The following NEK1 variants were observed in gnomAD, a reference collection of about 807,000 sequenced individuals.
NEK1 encodes the protein NIMA related kinase 1, also known as serine/threonine-protein kinase Nek1.
NEK1 carries 137 observed loss-of-function variants against 182.1 expected under a neutral mutation model. The ratio of observed to expected loss-of-function variants is 0.75; its 90% CI spans 0.65 to 0.87. The LOEUF (loss-of-function observed/expected upper bound fraction) is 0.87, where lower values mean the gene tolerates loss of function less well. Ranked by LOEUF, NEK1 falls within the 40% of genes least tolerant of loss-of-function variation. The pLI, the probability that NEK1 is intolerant of heterozygous loss-of-function variation, is 0.00. For missense variants in NEK1, 1,391 were observed against 1,494.4 expected, an observed-to-expected ratio of 0.93 and a Z score of 1.14; for synonymous variants, 513 against 492.2, an observed-to-expected ratio of 1.04 and a Z score of -0.56.
At chr4:169,528,746 C>A (rs1757257326) in intron 19 of NEK1, among the ~76,000 whole-genome samples, 1 of 152,146 alleles carries the variant, frequency 6.6e-6, no homozygotes, top group East Asian at 1.9e-4. Context: ...CAGTATGGAT[C>A]AAGAAGAATA....
chr4:169,514,142 C>T (rs780639274), intron 19 of NEK1, among the ~76,000 whole-genome samples: 6 of 152,110 alleles, frequency 3.9e-5, no homozygotes, highest in East Asian at 1.9e-4. Context: ...CCTGCCACCA[C>T]GCCTGGCTAA....
chr4:169,397,487 A>ATT (rs33929867), intron 35 of NEK1, among the ~76,000 whole-genome samples: 4 of 151,504 alleles, frequency 2.6e-5, no homozygotes, highest in African/African-American at 7.3e-5. Context: ...GCTGTACTCA[A>ATT]TTTTTTTTTA....
At chr4:169,457,582 T>C (rs757915532) in intron 27 of NEK1, among the ~76,000 whole-genome samples, 116 of 149,220 alleles carry the variant, frequency 7.8e-4, no homozygotes, top group Non-Finnish European at 1.4e-3. Flanking sequence ...CAAGACTCCA[T>C]TGCTGTTAGA....
chr4:169,524,635 T>C (rs1241676569), intron 19 of NEK1, among the ~76,000 whole-genome samples: 1 of 152,106 alleles, frequency 6.6e-6, no homozygotes, highest in African/African-American at 2.4e-5. Context: ...AAATTCAGGA[T>C]AATGGCTACC....
At chr4:169,448,801 T>C (rs1043954660) in intron 27 of NEK1, among the ~76,000 whole-genome samples, 1 of 152,192 alleles carries the variant, frequency 6.6e-6, no homozygotes, top group Non-Finnish European at 1.5e-5. Context: ...TCAATGGGAC[T>C]GGTTGGACAG....
At chr4:169,429,363 A>G (rs902512734) in intron 29 of NEK1, among the ~76,000 whole-genome samples, 16 of 152,310 alleles carry the variant, frequency 1.1e-4, no homozygotes, top group African/African-American at 3.8e-4. Flanking sequence ...AAGAGTAGAT[A>G]CCAAAAGTAA....
chr4:169,580,611 A>G (rs528328172), intron 11 of NEK1, among the ~76,000 whole-genome samples: 3 of 151,992 alleles, frequency 2.0e-5, no homozygotes, highest in Admixed American at 6.6e-5. Context: ...TGATAAAGAC[A>G]TAAGATTTCA....
intron 19 of NEK1, among the ~76,000 whole-genome samples, chr4:169,529,977 A>G (rs1240793673): frequency 1.3e-5 from 2 of 152,184 alleles, no homozygotes; most frequent in African/African-American, 4.8e-5. Flanking sequence ...ACTTTTGGAA[A>G]AAAGAGTTTT....
At chr4:169,568,915 G>A (rs111404214) in intron 12 of NEK1, among the ~76,000 whole-genome samples, 17,681 of 147,306 alleles carry the variant, frequency 0.12, 1,171 homozygotes, top group African/African-American at 0.17. Context: ...CCAGCCTGGG[G>A]GACAAGAGCA....
intron 27 of NEK1, among the ~76,000 whole-genome samples, chr4:169,461,332 C>A (rs930748460): frequency 1.9e-4 from 29 of 152,066 alleles, no homozygotes; most frequent in Admixed American, 4.6e-4. Flanking sequence ...ATTGCTTATT[C>A]TCTGTGGCTT....
intron 10 of NEK1, among the ~76,000 whole-genome samples, chr4:169,581,731 G>A (rs1766691282): frequency 6.6e-6 from 1 of 152,068 alleles, no homozygotes; most frequent in Non-Finnish European, 1.5e-5. Context: ...TATATTCTGT[G>A]TGCATCCATA....
In NEK1 at chr4:169,438,126, C is replaced by T; in HGVS notation, c.2721G>A (p.Glu907=). ...PVETKSPEFS[E]ASPQMSLKLE... ...GTTTCAATGACATCTGTGGAGATGC[C>T]TCACTGAACTCGGGACTTTTTGTCT... The change falls in exon 28 of 36, where the codon GAG becomes GAA. Residue 907 remains glutamate, a synonymous_variant. Transcript: ENST00000507142. 2 of 1,612,164 alleles carry T rather than the reference C, an allele frequency of 1.2e-6. No individual in the cohort carries two copies. The highest frequency in any genetic ancestry group is 2.2e-5 in the South Asian group (2 of 90,472).
intron 23 of NEK1, among the ~76,000 whole-genome samples, chr4:169,501,234 G>A (rs1752365389): frequency 6.6e-6 from 1 of 152,122 alleles, no homozygotes; most frequent in African/African-American, 2.4e-5. Flanking sequence ...CCCAACACTT[G>A]AGGACCCTGA....
rs529601896 is a variant in NEK1 at position 169,415,027 on chromosome 4, T to C, written c.3223-8280A>G. Among the ~76,000 whole-genome samples, 130 of 152,324 alleles carry C rather than the reference T, an allele frequency of 8.5e-4. 4 individuals carry two copies. Among genetic ancestry groups the C allele is most frequent in the Admixed American group, 8.4e-3 (129 of 15,304 alleles). ...ACCGCCTCATTGGATTTCAAAGTTA[T>C]CAACCAACAACATAGAGCACTGCAT... On this transcript the variant is annotated intron_variant, in intron 31 of 35. Transcript: ENST00000507142.
intron 10 of NEK1, among the ~76,000 whole-genome samples, chr4:169,584,213 T>C (rs893043060): frequency 2.0e-5 from 3 of 151,866 alleles, no homozygotes; most frequent in South Asian, 2.1e-4. Flanking sequence ...ATGTGTGCAC[T>C]AAAGGAGAAA....
intron 30 of NEK1, among the ~76,000 whole-genome samples, chr4:169,425,591 C>T (rs1323935058): frequency 6.6e-6 from 1 of 152,078 alleles, no homozygotes; most frequent in African/African-American, 2.4e-5. Flanking sequence ...TGGTCTATTG[C>T]CCAGGCTGGA....
intron 29 of NEK1, 49 bp downstream of exon 29, chr4:169,433,496 A>G (rs1216467311): frequency 1.3e-6 from 2 of 1,553,690 alleles, no homozygotes; most frequent in Non-Finnish European, 8.7e-7. Flanking sequence ...CTTAAAAGTT[A>G]TTACAAAAGG....
intron 5 of NEK1, among the ~76,000 whole-genome samples, chr4:169,595,819 A>G (rs1769356523): frequency 6.9e-6 from 1 of 145,298 alleles, no homozygotes; most frequent in Non-Finnish European, 1.5e-5. Context: ...GCTACTCAGG[A>G]GGCTGAGGCA....
chr4:169,555,293 A>C (rs934278444), intron 18 of NEK1: 1 of 188,262 alleles, frequency 5.3e-6, no homozygotes, highest in Non-Finnish European at 1.1e-5. Flanking sequence ...ATGAAGGTGA[A>C]GAGAAAGCAT....
Sources: allele counts gnomAD v4.1 joint callset (sites outside exome capture counted in the v4.1 genomes callset), GRCh38; gene constraint gnomAD v4.1.1; transcripts MANE v1.5; gene names NCBI Gene and HGNC (gene_info 2026-07-23, HGNC 2026-07-21).